The following AK5 variants were observed in gnomAD, a reference collection of about 807,000 sequenced individuals.
The protein encoded by AK5 is adenylate kinase isoenzyme 5.
AK5 carries 27 observed loss-of-function variants against 69.5 expected under a neutral mutation model. The ratio of observed to expected loss-of-function variants is 0.39; its 90% CI spans 0.29 to 0.54. The LOEUF (loss-of-function observed/expected upper bound fraction) is 0.54. Ranked by LOEUF, AK5 falls within the 20% of genes least tolerant of loss-of-function variation. The probability of loss-of-function intolerance (pLI) is 0.71; values close to 1 mark genes in which losing one functional copy is unlikely to be tolerated. For missense variants in AK5, 531 were observed against 700.4 expected, an observed-to-expected ratio of 0.76 and a Z score of 2.73; for synonymous variants, 260 against 244.4, an observed-to-expected ratio of 1.06 and a Z score of -0.60.
At chr1:77,326,348 A>G (rs777952645) in intron 5 of AK5, among the ~76,000 whole-genome samples, 1 of 152,182 alleles carries the variant, frequency 6.6e-6, no homozygotes, top group East Asian at 1.9e-4. Flanking sequence ...TTAAGCATGA[A>G]TCTTCTTTTG....
chr1:77,533,146 G>A (rs1384750579), intron 12 of AK5, among the ~76,000 whole-genome samples: 1 of 152,148 alleles, frequency 6.6e-6, no homozygotes, highest in Admixed American at 6.5e-5. Context: ...CCCTAGTTTT[G>A]GCACAGGAAA....
intron 8 of AK5, among the ~76,000 whole-genome samples, chr1:77,427,798 A>G (rs924564621): frequency 1.3e-5 from 2 of 152,276 alleles, no homozygotes; most frequent in African/African-American, 4.8e-5. Context: ...TAAGAAAAGA[A>G]ATAAGGCAAG....
chr1:77,515,864 A>T (rs1311313218), intron 10 of AK5, among the ~76,000 whole-genome samples: 1 of 152,194 alleles, frequency 6.6e-6, no homozygotes, highest in African/African-American at 2.4e-5. Context: ...CAGCCTGGGC[A>T]ACATAGCAAG....
chr1:77,359,674 AG>A (rs772069872), intron 6 of AK5, among the ~76,000 whole-genome samples: 1 of 152,224 alleles, frequency 6.6e-6, no homozygotes, highest in Non-Finnish European at 1.5e-5. Context: ...TGGTATCTGC[AG>A]GAAACCAATC....
At chr1:77,543,169 T>C (rs1176331554) in intron 13 of AK5, among the ~76,000 whole-genome samples, 1 of 152,216 alleles carries the variant, frequency 6.6e-6, no homozygotes, top group East Asian at 1.9e-4. Context: ...GAGAAGTTTC[T>C]GCAGTTTCTG....
intron 8 of AK5, among the ~76,000 whole-genome samples, chr1:77,468,739 G>A (rs1004533537): frequency 9.2e-5 from 14 of 152,316 alleles, no homozygotes; most frequent in Admixed American, 2.6e-4. Context: ...TCCAGATGAT[G>A]TCACCATGTC....
At chr1:77,376,902 A>C (rs547715754) in intron 6 of AK5, among the ~76,000 whole-genome samples, 1 of 152,232 alleles carries the variant, frequency 6.6e-6, no homozygotes, top group Non-Finnish European at 1.5e-5. Context: ...AGCCTGGGCA[A>C]CAGAGTGAAA....
At chr1:77,372,881 TC>T (rs1446345837) in intron 6 of AK5, among the ~76,000 whole-genome samples, 1 of 152,144 alleles carries the variant, frequency 6.6e-6, no homozygotes, top group Non-Finnish European at 1.5e-5. Context: ...CAGTGACAAA[TC>T]CCACATAAAC....
chr1:77,451,571 T>C (rs1411700118), intron 8 of AK5, among the ~76,000 whole-genome samples: 1 of 152,208 alleles, frequency 6.6e-6, no homozygotes, highest in African/African-American at 2.4e-5. Flanking sequence ...GACCAAAGCG[T>C]ATAACGGATA....
chr1:77,448,755 T>C (rs1652919308), intron 8 of AK5, among the ~76,000 whole-genome samples: 1 of 152,190 alleles, frequency 6.6e-6, no homozygotes, highest in South Asian at 2.1e-4. Context: ...GCTGTGGCCC[T>C]CTGGGGAACC....
intron 6 of AK5, among the ~76,000 whole-genome samples, chr1:77,367,812 TTA>T (rs369596880): frequency 7.6e-4 from 7 of 9,184 alleles, no homozygotes; most frequent in East Asian, 0.013. Flanking sequence ...ATAATATATG[TTA>T]TATATATTAT....
chr1:77,367,555 T>TATATATATATATATATATA lies in AK5; in HGVS notation c.891+26987_891+26988insATATATATATATATATATA, dbSNP rs1553139660. On this transcript the variant is annotated intron_variant, in intron 6 of 13. Transcript: ENST00000354567. ...TGTTGCCCAGACTCATTTATGTTATTTTTATATATATATATATATATATAA... is the reference window on the plus strand; with the variant it reads ...TGTTGCCCAGACTCATTTATGTTATTATATATATATATATATATATTTATATATATATATATATATATAA... 7.9e-4 allele frequency among the ~76,000 whole-genome samples: 47 copies of TATATATATATATATATATA among 59,290 alleles called. 2 individuals carry two copies. The highest frequency in any genetic ancestry group is 3.9e-3 in the East Asian group (8 of 2,056). The allele number at this position is 59,290 out of a possible 152,430, so 38.9% of individuals were successfully genotyped here.
intron 13 of AK5, among the ~76,000 whole-genome samples, chr1:77,547,668 TC>T (rs1659612844): frequency 6.6e-6 from 1 of 152,182 alleles, no homozygotes; most frequent in African/African-American, 2.4e-5. Flanking sequence ...TTGCTAAGTT[TC>T]CATAAAAAAT....
At chr1:77,414,149 A>G (rs1650238389) in intron 7 of AK5, among the ~76,000 whole-genome samples, 3 of 152,212 alleles carry the variant, frequency 2.0e-5, no homozygotes, top group Middle Eastern at 3.2e-3. Context: ...GTACGTATGC[A>G]TTGAACACAT....
Position 77,283,075 on chromosome 1 carries a change from C to T in AK5, c.60+702C>T, listed in dbSNP as rs796751756. ...GGGAGGGAGCTGCGAGGGGGGCGGACTCCTGTTGCTCAGTCTTCAGACCGC... is the reference window on the plus strand; with the variant it reads ...GGGAGGGAGCTGCGAGGGGGGCGGATTCCTGTTGCTCAGTCTTCAGACCGC... On this transcript the variant is annotated intron_variant, in intron 1 of 13. Transcript: ENST00000354567. 6.1e-6 allele frequency: 6 copies of T among 985,560 alleles called. No homozygotes were observed. The African/African-American group carries it at 7.0e-5, about 11-fold the overall frequency. The allele number at this position is 985,560 out of a possible 1,614,324, so 61.1% of individuals were successfully genotyped here. A position where few individuals can be genotyped will look rare whatever the true frequency, so the allele number is the denominator to read the frequency against.
chr1:77,511,114 C>T (rs1350856880), intron 10 of AK5, among the ~76,000 whole-genome samples: 1 of 151,820 alleles, frequency 6.6e-6, no homozygotes, highest in Non-Finnish European at 1.5e-5. Flanking sequence ...AAAAAAGCTG[C>T]ATCCAACCTT....
intron 2 of AK5, among the ~76,000 whole-genome samples, chr1:77,292,994 A>G (rs1658776064): frequency 6.6e-6 from 1 of 152,198 alleles, no homozygotes; most frequent in Non-Finnish European, 1.5e-5. Flanking sequence ...CTCTTAACAC[A>G]CTAACGTATT....
At chr1:77,309,911 T>C (rs1414785173) in intron 5 of AK5, among the ~76,000 whole-genome samples, 1 of 152,138 alleles carries the variant, frequency 6.6e-6, no homozygotes, top group Non-Finnish European at 1.5e-5. Context: ...TTCTCAGTCA[T>C]GTTCGAGATA....
At chr1:77,518,190 C>T (rs1001803892) in intron 10 of AK5, among the ~76,000 whole-genome samples, 3 of 152,178 alleles carry the variant, frequency 2.0e-5, no homozygotes, top group African/African-American at 7.2e-5. Context: ...TCCAAGGAAA[C>T]TTTTCTGACT....
Sources: gnomAD v4.1 joint callset for allele counts (sites outside exome capture counted in the v4.1 genomes callset) on GRCh38, gnomAD v4.1.1 for gene constraint, MANE v1.5 for transcripts, NCBI Gene and HGNC (gene_info 2026-07-23, HGNC 2026-07-21) for gene names.